CYP51A1: variants seen among roughly 807,000 people sequenced by gnomAD.
CYP51A1 encodes cytochrome P450 family 51 subfamily A member 1.
Under a neutral mutation model 53.5 loss-of-function variants are expected in CYP51A1, and 45 were observed. That is an observed-to-expected ratio of 0.84 (90% CI 0.66 to 1.08). The LOEUF (loss-of-function observed/expected upper bound fraction) is 1.08, where lower values mean the gene tolerates loss of function less well. Ranked by LOEUF, CYP51A1 falls within the 50% of genes least tolerant of loss-of-function variation. The pLI is 0.00. For synonymous variants in CYP51A1, 181 were observed against 217.7 expected (o/e 0.83, Z 1.48); for missense variants, 462 against 621.7 (o/e 0.74, Z 2.73).
chr7:92,128,172 G>A (rs543641387), intron 3 of CYP51A1, among the ~76,000 whole-genome samples: 1 of 152,300 alleles, frequency 6.6e-6, no homozygotes, highest in South Asian at 2.1e-4. Context: ...GGAATGGGTA[G>A]GCAGGAAGTC....
At chr7:92,116,954 G>C (rs1584630360) in intron 9 of CYP51A1, 90 bp downstream of exon 9, 2 of 1,345,504 alleles carry the variant, frequency 1.5e-6, no homozygotes, top group Admixed American at 2.4e-5. Flanking sequence ...GAAAGGGAGA[G>C]ATAATTTGTA....
intron 9 of CYP51A1, among the ~76,000 whole-genome samples, chr7:92,115,671 T>C (rs185880222): frequency 1.3e-5 from 2 of 152,156 alleles, no homozygotes; most frequent in African/African-American, 4.8e-5. Flanking sequence ...AACACAAAGA[T>C]TGAAAAAAAG....
In CYP51A1 at chr7:92,128,428, C is replaced by CTGTGTGTG. The variant is rs1554479142; in HGVS notation, c.468+444_468+451dup. 1.8e-3 allele frequency among the ~76,000 whole-genome samples: 254 copies of CTGTGTGTG among 143,124 alleles called. 2 individuals carry two copies. The East Asian group carries it at 0.029, about 16-fold the overall frequency. 93.9% of individuals were successfully genotyped at this position (143,124 alleles called of 152,430 possible). ...TATTACATTTTTGTTTGGTTGGTTTCTGTGTGTGTGTGTGTGTGTGTGTGT... is the reference window on the plus strand; with the variant it reads ...TATTACATTTTTGTTTGGTTGGTTTCTGTGTGTGTGTGTGTGTGTGTGTGTGTGTGTGT... On this transcript the variant is annotated intron_variant, in intron 3 of 9. Transcript: ENST00000003100.
intron 2 of CYP51A1, among the ~76,000 whole-genome samples, chr7:92,129,435 G>C (rs908542704): frequency 6.6e-6 from 1 of 152,104 alleles, no homozygotes; most frequent in African/African-American, 2.4e-5. Flanking sequence ...TGAAAATATA[G>C]ACTTCTTCCC....
rs186721354 is a variant in CYP51A1, at chr7:92,126,992, C to A, written c.595+513G>T. On this transcript the variant is annotated intron_variant, in intron 4 of 9. Transcript: ENST00000003100. ...GTTAATTCCACATTCACTAAATGAA[C>A]TTCCAATGATCATCTGGCTTTCCAA... 2.6e-4 allele frequency among the ~76,000 whole-genome samples: 40 copies of A among 152,328 alleles called. 1 individual carries two copies. Among genetic ancestry groups the A allele is most frequent in the Non-Finnish European group, 1.3e-4 (9 of 68,032 alleles).
chr7:92,134,072 C>T, intron 1 of CYP51A1, 101 bp downstream of exon 1: 1 of 1,147,214 alleles, frequency 8.7e-7, no homozygotes, highest in Non-Finnish European at 1.2e-6. Flanking sequence ...CCGCCCTTGC[C>T]ATCCACTGAG....
chr7:92,130,489 T>G (rs1185955329), intron 2 of CYP51A1, among the ~76,000 whole-genome samples: 1 of 152,194 alleles, frequency 6.6e-6, no homozygotes, highest in African/African-American at 2.4e-5. Flanking sequence ...CAAGAAGAAA[T>G]TATATATCCT....
intron 2 of CYP51A1, among the ~76,000 whole-genome samples, chr7:92,130,743 G>A (rs1819900172): frequency 6.6e-6 from 1 of 152,160 alleles, no homozygotes; most frequent in African/African-American, 2.4e-5. Context: ...CTAAATCAAC[G>A]TTTTTAATCA....
Position 92,113,666 on chromosome 7 carries a change from C to T in CYP51A1, c.1529G>A (p.Ter510=). ...TATATTCGTTCCTTGCAACCTTTTT[C>T]ATTTTGATCTTCGTTTGTAACGGAT... ...PVIRYKRRSK[*] The change falls in exon 10 of 10, where the codon TGA becomes TAA. Residue 510 remains the stop codon, a stop_retained_variant. Transcript: ENST00000003100. The T allele has an allele frequency of 6.2e-7, 1 of 1,610,552 alleles. No individual in the cohort carries two copies.
chr7:92,118,444 A>C lies in CYP51A1; in HGVS notation c.1182+76T>G, dbSNP rs1156734832. ...CAAAGTGTTGAGATTACAGGTGTGA[A>C]CCACCACACCCACCTATTTCTTCTT... is the stretch of plus-strand genomic sequence containing the variant. On this transcript the variant is annotated intron_variant, in intron 8 of 9. Coordinates refer to ENST00000003100, the MANE Select transcript of CYP51A1 (RefSeq NM_000786.4). 7.1e-6 allele frequency: 6 copies of C among 849,462 alleles called. No homozygotes were observed. The East Asian group carries it at 1.5e-4, about 21-fold the overall frequency. 52.6% of individuals were successfully genotyped at this position (849,462 alleles called of 1,614,324 possible).
chr7:92,122,842 T>A (rs1819717619), intron 7 of CYP51A1, among the ~76,000 whole-genome samples: 1 of 152,154 alleles, frequency 6.6e-6, no homozygotes, highest in African/African-American at 2.4e-5. Context: ...ATATCCTCTA[T>A]GTACAGAAGC....
chr7:92,114,160 CTGTT>C (rs1419681225), intron 9 of CYP51A1, among the ~76,000 whole-genome samples: 1 of 152,042 alleles, frequency 6.6e-6, no homozygotes, highest in Admixed American at 6.6e-5. Context: ...GTAGAATATT[CTGTT>C]TGTCCCAAGA....
intron 4 of CYP51A1, among the ~76,000 whole-genome samples, chr7:92,126,787 T>A (rs1014585142): frequency 6.6e-6 from 1 of 152,232 alleles, no homozygotes; most frequent in Admixed American, 6.5e-5. Context: ...CAAGGAATAG[T>A]AGCCAAAGAT....
chr7:92,134,372 G>C lies in CYP51A1; in HGVS notation c.-8C>G. ...CCCAGCCGCCGCCGCCATTCACTCC[G>C]TCGGAAACACTGAAGGCCGAGGTCG... On this transcript the variant is annotated 5_prime_UTR_variant, in exon 1 of 10. Transcript: ENST00000003100. 1 of 1,568,202 alleles carries C rather than the reference G, an allele frequency of 6.4e-7. No individual in the cohort carries two copies. The highest frequency in any genetic ancestry group is 8.7e-7 in the Non-Finnish European group (1 of 1,152,760).
intron 9 of CYP51A1, among the ~76,000 whole-genome samples, chr7:92,115,527 T>C (rs1186932502): frequency 6.6e-6 from 1 of 152,202 alleles, no homozygotes. Context: ...GATTCTCCTG[T>C]AGAACCTTAA....
At chr7:92,128,755 C>A (rs1819857541) in intron 3 of CYP51A1, 125 bp downstream of exon 3, 9 of 863,282 alleles carry the variant, frequency 1.0e-5, no homozygotes, top group Non-Finnish European at 1.4e-5. Flanking sequence ...TCCCAAAGTG[C>A]TGGGATTACA....
At chr7:92,134,084 C>T (rs1354023626) in intron 1 of CYP51A1, 89 bp downstream of exon 1, 10 of 1,304,112 alleles carry the variant, frequency 7.7e-6, no homozygotes, top group Admixed American at 4.2e-5. Flanking sequence ...TCCACTGAGC[C>T]GGTCGGGGCC....
chr7:92,128,202 A>G (rs1450269475), intron 3 of CYP51A1, among the ~76,000 whole-genome samples: 1 of 152,196 alleles, frequency 6.6e-6, no homozygotes, highest in Non-Finnish European at 1.5e-5. Context: ...AAGTAACAGC[A>G]TTGTCTAATA....
chr7:92,118,486 G>C, intron 8 of CYP51A1, 34 bp downstream of exon 8: 1 of 1,105,788 alleles, frequency 9.0e-7, no homozygotes. Flanking sequence ...AAAAACTGGG[G>C]GTATAGAGGG....
Sources: allele counts gnomAD v4.1 joint callset (sites outside exome capture counted in the v4.1 genomes callset), GRCh38; gene constraint gnomAD v4.1.1; transcripts MANE v1.5; gene names NCBI Gene and HGNC (gene_info 2026-07-23, HGNC 2026-07-21).